The following MTFR1L variants were observed in gnomAD, a reference collection of about 807,000 sequenced individuals.
MTFR1L encodes the protein mitochondrial fission regulator 1-like.
MTFR1L carries 10 observed loss-of-function variants against 27.9 expected under a neutral mutation model. The observed-to-expected ratio is 0.36, with a 90% CI of 0.22 to 0.61. The LOEUF (loss-of-function observed/expected upper bound fraction) is 0.61. Among genes scored for constraint, MTFR1L ranks in the 20% least tolerant of loss-of-function variants. MTFR1L has a pLI of 0.73. For synonymous variants in MTFR1L, 151 were observed against 139.4 expected (o/e 1.08, Z -0.58); for missense variants, 315 against 363.7 (o/e 0.87, Z 1.09).
intron 3 of MTFR1L, 84 bp downstream of exon 3, chr1:25,823,832 G>GTCACTTTTCATTC: frequency 6.7e-7 from 1 of 1,483,994 alleles, no homozygotes; most frequent in African/African-American, 1.4e-5. Context: ...GCCCAAGTAG[G>GTCACTTTTCATTC]TTGTTTCCTG....
chr1:25,823,280 C>T (rs994148995), intron 2 of MTFR1L, 152 bp downstream of exon 2: 4 of 816,290 alleles, frequency 4.9e-6, no homozygotes, highest in Admixed American at 3.9e-5. Flanking sequence ...CTCCCTCCCC[C>T]TAAGAAGAAC....
rs1174952308 is a variant in MTFR1L at position 25,832,357 on chromosome 1, C to T, written c.*331C>T. On this transcript the variant is annotated 3_prime_UTR_variant, in exon 7 of 7. Coordinates refer to ENST00000374303, the MANE Select transcript of MTFR1L (RefSeq NM_001099625.2). Reference sequence around the variant, plus strand: ...AGGTCCTAAATGACTGACTTCACTGCATTAGACCCTATAGCTGGTCTCACA... The same window carrying T: ...AGGTCCTAAATGACTGACTTCACTGTATTAGACCCTATAGCTGGTCTCACA... 1.6e-6 allele frequency: 1 copy of T among 608,378 alleles called. No homozygotes were observed. The highest frequency in any genetic ancestry group is 1.9e-5 in the African/African-American group (1 of 53,792). 37.7% of individuals were successfully genotyped at this position (608,378 alleles called of 1,614,324 possible).
At position 25,826,262 on chromosome 1, in the gene MTFR1L, A is replaced by G. The variant is rs1251120210; in HGVS notation, c.130-40A>G. 6 of 1,573,754 alleles carry G rather than the reference A, an allele frequency of 3.8e-6. No individual in the cohort carries two copies. The highest frequency in any genetic ancestry group is 4.4e-6 in the Non-Finnish European group (5 of 1,144,872). On this transcript the variant is annotated intron_variant, in intron 3 of 6. Coordinates refer to ENST00000374303, the MANE Select transcript of MTFR1L (RefSeq NM_001099625.2). This position sits in a 1 kb window ranked among gnomAD's most constrained non-coding sequence, Gnocchi z 4.1. ...TTCTGCAGTTTCTGATTGGCTCATC[A>G]TGGCATCTGTAAATGTTGATGACTT...
Position 25,823,837 on chromosome 1 carries a change from T to A in MTFR1L, c.129+89T>A, listed in dbSNP as rs542994916. 2.4e-4 allele frequency: 356 copies of A among 1,458,514 alleles called. 4 individuals are homozygous for A. In the East Asian group the frequency reaches 8.4e-3, roughly 34 times the overall value. 90.3% of individuals were successfully genotyped at this position (1,458,514 alleles called of 1,614,324 possible). On this transcript the variant is annotated intron_variant, in intron 3 of 6. Transcript: ENST00000374303. ...CCTTGGTACTGCCCAAGTAGGTTGT[T>A]TCCTGGTCACTTTTCATTCTGTTAT...
intron 6 of MTFR1L, among the ~76,000 whole-genome samples, chr1:25,830,319 T>G (rs1180816500): frequency 6.6e-6 from 1 of 152,232 alleles, no homozygotes; most frequent in African/African-American, 2.4e-5. Context: ...GATTTGAGAA[T>G]AAGGCTTTTG....
intron 3 of MTFR1L, among the ~76,000 whole-genome samples, chr1:25,824,584 GC>G (rs2048144293): frequency 6.6e-6 from 1 of 152,222 alleles, no homozygotes; most frequent in African/African-American, 2.4e-5. Context: ...ATGCTAAGAA[GC>G]AGAGTCTGTA....
chr1:25,820,611 C>T, intron 1 of MTFR1L: 1 of 405,942 alleles, frequency 2.5e-6, no homozygotes, highest in South Asian at 1.7e-5. Flanking sequence ...GAGGGGACGC[C>T]TGTCAGCAGA....
chr1:25,826,940 C>T lies in MTFR1L; in HGVS notation c.451+114C>T, dbSNP rs966648869. 3.1e-5 allele frequency: 38 copies of T among 1,225,904 alleles called. No homozygotes were observed. The highest frequency in any genetic ancestry group is 1.8e-4 in the African/African-American group (12 of 66,266). 75.9% of individuals were successfully genotyped at this position (1,225,904 alleles called of 1,614,324 possible). On this transcript the variant is annotated intron_variant, in intron 5 of 6. Transcript: ENST00000374303. This position sits in a 1 kb window ranked among gnomAD's most constrained non-coding sequence, Gnocchi z 4.1. Reference sequence around the variant, plus strand: ...CCTTGGTTTGCAGGTACTTAGGTTCCGGGCCCTGGGGTTGTCCTGAAGCCT... The same window carrying T: ...CCTTGGTTTGCAGGTACTTAGGTTCTGGGCCCTGGGGTTGTCCTGAAGCCT...
intron 2 of MTFR1L, 115 bp downstream of exon 2, chr1:25,823,243 T>C (rs1397142697): frequency 2.7e-6 from 3 of 1,111,416 alleles, no homozygotes; most frequent in African/African-American, 3.1e-5. Context: ...TCCAGAGGCC[T>C]GGAATTGGAG....
At chr1:25,825,973 ACAGGCGTATACCACCATACC>A (rs1420745194) in intron 3 of MTFR1L, 1 of 245,536 alleles carries the variant, frequency 4.1e-6, no homozygotes, top group Non-Finnish European at 8.1e-6. Flanking sequence ...AGCTGGGACT[ACAGGCGTATACCACCATACC>A]CAGATAATTT....
At position 25,832,098 on chromosome 1, in the gene MTFR1L, T is replaced by G; in HGVS notation, c.*72T>G. Reference sequence around the variant, plus strand: ...CAATAGCTGCCTTCCTCACCGCAGATGTTTCTGCCTCTTAAGGATAGATCT... The same window carrying G: ...CAATAGCTGCCTTCCTCACCGCAGAGGTTTCTGCCTCTTAAGGATAGATCT... On this transcript the variant is annotated 3_prime_UTR_variant, in exon 7 of 7. Coordinates refer to ENST00000374303, the MANE Select transcript of MTFR1L (RefSeq NM_001099625.2). The G allele has an allele frequency of 6.2e-7, 1 of 1,611,162 alleles. No individual in the cohort carries two copies. The highest frequency in any genetic ancestry group is 8.5e-7 in the Non-Finnish European group (1 of 1,179,208).
At position 25,820,888 on chromosome 1, in the gene MTFR1L, A is replaced by G. The variant is rs917798255; in HGVS notation, c.-87+859A>G. 8.2e-6 allele frequency: 3 copies of G among 367,376 alleles called. No individual in the cohort carries two copies. The Admixed American group carries it at 1.4e-4, about 17-fold the overall frequency. 22.8% of individuals were successfully genotyped at this position (367,376 alleles called of 1,614,324 possible). A position where few individuals can be genotyped will look rare whatever the true frequency, so the allele number is the denominator to read the frequency against. Reference sequence around the variant, plus strand: ...ACAGGCAGGGTGCTGCGGAGCGCACAGGAAAGGACCTGACCCTGTCGCAGG... The same window carrying G: ...ACAGGCAGGGTGCTGCGGAGCGCACGGGAAAGGACCTGACCCTGTCGCAGG... On this transcript the variant is annotated intron_variant, in intron 1 of 6. Coordinates refer to ENST00000374303, the MANE Select transcript of MTFR1L (RefSeq NM_001099625.2).
In MTFR1L at chr1:25,826,489, TGAG is replaced by T. The variant is rs1171367010; in HGVS notation, c.239+79_239+81del. ...GTGGCAGGCAGCAAGGAGAGAGGAA[TGAG>T]AACTGTGGGCTCAGAGAGGAGCAGA... On this transcript the variant is annotated intron_variant, in intron 4 of 6. Coordinates refer to ENST00000374303, the MANE Select transcript of MTFR1L (RefSeq NM_001099625.2). The surrounding 1 kb of genome is among the most constrained non-coding windows in gnomAD (Gnocchi z 4.1). The T allele has an allele frequency of 1.9e-6, 3 of 1,585,528 alleles. No individual in the cohort carries two copies. Among genetic ancestry groups the T allele is most frequent in the African/African-American group, 1.3e-5 (1 of 74,232 alleles).
intron 5 of MTFR1L, among the ~76,000 whole-genome samples, chr1:25,828,050 A>G (rs1027494733): frequency 6.6e-6 from 1 of 152,070 alleles, no homozygotes; most frequent in African/African-American, 2.4e-5. Context: ...AGAAGTAAAC[A>G]TTCCCCCCAC....
At chr1:25,825,977 G>T (rs1345830009) in intron 3 of MTFR1L, 1 of 269,714 alleles carries the variant, frequency 3.7e-6, no homozygotes, top group African/African-American at 2.2e-5. Flanking sequence ...GGGACTACAG[G>T]CGTATACCAC....
intron 1 of MTFR1L, chr1:25,822,113 C>T (rs570126377): frequency 6.6e-6 from 1 of 152,372 alleles, no homozygotes; most frequent in East Asian, 1.9e-4. Flanking sequence ...CCCCATTTCA[C>T]TCATTGACCC....
rs1174157863 is a variant in MTFR1L at position 25,832,771 on chromosome 1, C to T, written c.*745C>T. ...AGAGGAGGAGGGGGAAAGAGCAAACCATCTTTCTTCCAGGCCCTTGACTGC... is the reference window on the plus strand; with the variant it reads ...AGAGGAGGAGGGGGAAAGAGCAAACTATCTTTCTTCCAGGCCCTTGACTGC... On this transcript the variant is annotated 3_prime_UTR_variant, in exon 7 of 7. Coordinates refer to ENST00000374303, the MANE Select transcript of MTFR1L (RefSeq NM_001099625.2). 3 of 157,236 alleles carry T rather than the reference C, an allele frequency of 1.9e-5. No individual in the cohort carries two copies. The highest frequency in any genetic ancestry group is 7.2e-5 in the African/African-American group (3 of 41,426). 9.7% of individuals were successfully genotyped at this position (157,236 alleles called of 1,614,324 possible).
chr1:25,829,442 G>A, intron 5 of MTFR1L, 67 bp from the exon 6 acceptor site: 1 of 1,382,370 alleles, frequency 7.2e-7, no homozygotes, highest in Non-Finnish European at 1.0e-6. Context: ...GCAGGGCTGT[G>A]GGGAGAAGAT....
At position 25,829,633 on chromosome 1, in the gene MTFR1L, G is replaced by A. The variant is rs1206310816; in HGVS notation, c.576G>A (p.Glu192=). Residue 192 remains glutamate (E), a synonymous_variant, in exon 6 of 7, where the codon GAG becomes GAA. Coordinates refer to ENST00000374303, the MANE Select transcript of MTFR1L (RefSeq NM_001099625.2). ...TSFVISDITE[E]TEVEVPELPS... is the part of the protein sequence containing the mutation. ...TTGTCATTAGTGACATCACCGAGGA[G>A]ACAGAGGTGGAGGTCCCTGAGCTTC... The A allele has an allele frequency of 6.2e-7, 1 of 1,614,200 alleles. No homozygotes were observed.
Sources: gnomAD v4.1 joint callset for allele counts (sites outside exome capture counted in the v4.1 genomes callset) on GRCh38, gnomAD v4.1.1 for gene constraint, Gnocchi (gnomAD v3.1) non-coding constraint, MANE v1.5 for transcripts, NCBI Gene and HGNC (gene_info 2026-07-23, HGNC 2026-07-21) for gene names.